CHN2: variants seen among roughly 807,000 people sequenced by gnomAD.
CHN2 encodes the protein beta-chimaerin.
A neutral mutation model predicts 56.3 loss-of-function variants in CHN2; 35 were observed. The observed-to-expected ratio is 0.62, with a 90% CI of 0.47 to 0.82. The LOEUF is 0.82. Among genes scored for constraint, CHN2 ranks in the 40% least tolerant of loss-of-function variants. The pLI is 0.00. For missense variants in CHN2, 491 were observed against 580.5 expected (o/e 0.85, Z 1.58); for synonymous variants, 210 against 212.8 (o/e 0.99, Z 0.12).
rs554266778 is a variant in CHN2 at position 29,238,179 on chromosome 7, G to A, written c.49+43189G>A. 8.6e-5 allele frequency among the ~76,000 whole-genome samples: 13 copies of A among 151,900 alleles called. No individual in the cohort carries two copies. The East Asian group carries it at 2.1e-3, about 25-fold the overall frequency. ...ACTACAGGCGTGTGCCACCACGCCCGGCTAATATTTTTGTATTTTTAGTAA... is the reference window on the plus strand; with the variant it reads ...ACTACAGGCGTGTGCCACCACGCCCAGCTAATATTTTTGTATTTTTAGTAA... On this transcript the variant is annotated intron_variant, in intron 1 of 12. Coordinates refer to ENST00000222792, the MANE Select transcript of CHN2 (RefSeq NM_004067.4).
Position 29,346,124 on chromosome 7 carries a change from G to GT in CHN2, c.50-8497dup, listed in dbSNP as rs1470556425. 3.3e-5 allele frequency among the ~76,000 whole-genome samples: 5 copies of GT among 152,282 alleles called. No individual in the cohort carries two copies. The East Asian group carries it at 9.7e-4, about 30-fold the overall frequency. ...TCTCTAACAGCCTTCAGATCTGGGT[G>GT]TTTTGCAGCAGTCAGGATGACCTCC... On this transcript the variant is annotated intron_variant, in intron 1 of 12. Transcript: ENST00000222792.
chr7:29,469,468 G>A (rs148481132), intron 6 of CHN2, among the ~76,000 whole-genome samples: 33 of 152,244 alleles, frequency 2.2e-4, no homozygotes, highest in Non-Finnish European at 4.0e-4. Context: ...GAAGGCCCTA[G>A]GTCCCTTACC....
At chr7:29,327,659 C>T (rs972471525) in intron 1 of CHN2, among the ~76,000 whole-genome samples, 2 of 152,122 alleles carry the variant, frequency 1.3e-5, no homozygotes, top group African/African-American at 4.8e-5. Flanking sequence ...TGACGCGGTG[C>T]TCCCATATTG....
intron 3 of CHN2, among the ~76,000 whole-genome samples, chr7:29,391,991 G>A (rs1801405501): frequency 6.6e-6 from 1 of 152,094 alleles, no homozygotes; most frequent in African/African-American, 2.4e-5. Flanking sequence ...TCTCTTTTAG[G>A]GAAATAAGAA....
intron 6 of CHN2, among the ~76,000 whole-genome samples, chr7:29,456,303 GA>G (rs1332072730): frequency 1.3e-5 from 2 of 152,174 alleles, no homozygotes; most frequent in Non-Finnish European, 2.9e-5. Flanking sequence ...TATTTGTTCA[GA>G]TGTCTATCTC....
chr7:29,400,887 G>A lies in CHN2; in HGVS notation c.576+59G>A, dbSNP rs1046067867. ...TTAATCCATGCCGCATCAACAGGCG[G>A]GTTAACTATAGGTGCGATTTGCTGA... On this transcript the variant is annotated intron_variant, in intron 6 of 12. Transcript: ENST00000222792. 2.1e-5 allele frequency: 33 copies of A among 1,551,546 alleles called. No homozygotes were observed. In the African/African-American group the frequency reaches 4.0e-4, roughly 19 times the overall value.
chr7:29,228,562 A>G (rs1786414322), intron 1 of CHN2, among the ~76,000 whole-genome samples: 1 of 152,250 alleles, frequency 6.6e-6, no homozygotes, highest in Non-Finnish European at 1.5e-5. Flanking sequence ...ACATATTTCT[A>G]TGTGAATGTG....
chr7:29,510,040 T>C (rs1791119062), intron 12 of CHN2, among the ~76,000 whole-genome samples: 3 of 152,052 alleles, frequency 2.0e-5, no homozygotes, highest in Admixed American at 1.3e-4. Flanking sequence ...GTACTCTGTG[T>C]CCTGTTCATC....
chr7:29,410,841 T>A (rs1488882938), intron 6 of CHN2, among the ~76,000 whole-genome samples: 2 of 152,154 alleles, frequency 1.3e-5, no homozygotes, highest in African/African-American at 4.8e-5. Flanking sequence ...GAGAAGTTTT[T>A]AAAGAATGAC....
At chr7:29,268,963 A>G (rs771246359) in intron 1 of CHN2, among the ~76,000 whole-genome samples, 5 of 152,202 alleles carry the variant, frequency 3.3e-5, no homozygotes, top group Non-Finnish European at 7.4e-5. Context: ...TTTTGTGGGG[A>G]ACATGTGATA....
intron 1 of CHN2, chr7:29,292,864 A>G (rs1047081892): frequency 8.8e-6 from 4 of 455,840 alleles, no homozygotes; most frequent in Middle Eastern, 3.2e-4. Context: ...GGAAGAAAAT[A>G]TATCTGTCAC....
At chr7:29,339,371 C>T (rs1246229467) in intron 1 of CHN2, among the ~76,000 whole-genome samples, 1 of 152,146 alleles carries the variant, frequency 6.6e-6, no homozygotes, top group African/African-American at 2.4e-5. Flanking sequence ...CAGCCCTTAG[C>T]AGTCTCTTCC....
At position 29,495,826 on chromosome 7, in the gene CHN2, A is replaced by G. The variant is rs1789207132; in HGVS notation, c.655-126A>G. On this transcript the variant is annotated intron_variant, in intron 7 of 12. Coordinates refer to ENST00000222792, the MANE Select transcript of CHN2 (RefSeq NM_004067.4). Reference sequence around the variant, plus strand: ...TCTGTTTTCTCAGGATCTGTTTGCAACTGCTTTACTGGAAGGAAAAGCCCA... The same window carrying G: ...TCTGTTTTCTCAGGATCTGTTTGCAGCTGCTTTACTGGAAGGAAAAGCCCA... 3 of 713,618 alleles carry G rather than the reference A, an allele frequency of 4.2e-6. No individual in the cohort carries two copies. In the Admixed American group the frequency reaches 8.0e-5, roughly 19 times the overall value. The allele number at this position is 713,618 out of a possible 1,614,324, so 44.2% of individuals were successfully genotyped here. A position where few individuals can be genotyped will look rare whatever the true frequency, so the allele number is the denominator to read the frequency against.
intron 2 of CHN2, among the ~76,000 whole-genome samples, chr7:29,366,024 G>T (rs1799130582): frequency 6.6e-6 from 1 of 152,182 alleles, no homozygotes; most frequent in South Asian, 2.1e-4. Context: ...TAGGATGCTG[G>T]TGTCTAGAGA....
chr7:29,352,866 T>A (rs1797992384), intron 1 of CHN2, among the ~76,000 whole-genome samples: 1 of 152,360 alleles, frequency 6.6e-6, no homozygotes, highest in South Asian at 2.1e-4. Flanking sequence ...TTGAATGCTC[T>A]TTATAAACTA....
At chr7:29,417,169 C>T (rs1803844091) in intron 6 of CHN2, among the ~76,000 whole-genome samples, 1 of 152,134 alleles carries the variant, frequency 6.6e-6, no homozygotes, top group Non-Finnish European at 1.5e-5. Flanking sequence ...GTTCTGTGAC[C>T]CCGCAGGACT....
chr7:29,310,812 G>T (rs1794540595), intron 1 of CHN2, among the ~76,000 whole-genome samples: 1 of 152,086 alleles, frequency 6.6e-6, no homozygotes, highest in South Asian at 2.1e-4. Context: ...ATTTCTGGGG[G>T]CTCCACCCTC....
At chr7:29,366,030 A>G (rs1024790723) in intron 2 of CHN2, among the ~76,000 whole-genome samples, 1 of 152,210 alleles carries the variant, frequency 6.6e-6, no homozygotes, top group Admixed American at 6.5e-5. Flanking sequence ...GCTGGTGTCT[A>G]GAGAAATAGG....
chr7:29,363,373 T>G (rs1798884394), intron 2 of CHN2, among the ~76,000 whole-genome samples: 1 of 152,160 alleles, frequency 6.6e-6, no homozygotes. Flanking sequence ...TAGTCCCAGC[T>G]ACTCGGGAGG....
Sources: gnomAD v4.1 joint callset for allele counts (sites outside exome capture counted in the v4.1 genomes callset) on GRCh38, gnomAD v4.1.1 for gene constraint, MANE v1.5 for transcripts, NCBI Gene and HGNC (gene_info 2026-07-23, HGNC 2026-07-21) for gene names.